The following LRP1B variants were observed in gnomAD, a reference collection of about 807,000 sequenced individuals.
LRP1B encodes LDL receptor related protein 1B.
A neutral mutation model predicts 556.6 loss-of-function variants in LRP1B; 217 were observed. The observed-to-expected ratio is 0.39, with a 90% CI of 0.35 to 0.44. The LOEUF (loss-of-function observed/expected upper bound fraction) is 0.44, where lower values mean the gene tolerates loss of function less well. Ranked by LOEUF, LRP1B falls within the 20% of genes least tolerant of loss-of-function variation. The pLI is 1.00. For synonymous variants in LRP1B, 2,047 were observed against 1,865.8 expected (o/e 1.10, Z -2.50); for missense variants, 5,053 against 5,620.8 (o/e 0.90, Z 3.23).
intron 7 of LRP1B, among the ~76,000 whole-genome samples, chr2:141,114,870 T>A (rs926917543): frequency 2.3e-5 from 3 of 128,502 alleles, no homozygotes; most frequent in African/African-American, 8.4e-5. Flanking sequence ...AAAACAGGCA[T>A]ACTAATGCAA....
At chr2:141,035,269 TGG>T (rs1698498793) in intron 11 of LRP1B, among the ~76,000 whole-genome samples, 2 of 151,974 alleles carry the variant, frequency 1.3e-5, no homozygotes, top group African/African-American at 4.8e-5. Flanking sequence ...GACGAGTTAA[TGG>T]GTGCAGCACA....
intron 2 of LRP1B, among the ~76,000 whole-genome samples, chr2:141,530,937 C>T (rs1684851076): frequency 6.7e-6 from 1 of 149,376 alleles, no homozygotes; most frequent in South Asian, 2.1e-4. Flanking sequence ...TAGTACCTTA[C>T]AGGTATCAAG....
At chr2:141,327,398 C>G (rs1402653363) in intron 3 of LRP1B, among the ~76,000 whole-genome samples, 2 of 151,890 alleles carry the variant, frequency 1.3e-5, no homozygotes, top group Non-Finnish European at 2.9e-5. Context: ...GGGGCACTGA[C>G]AAATAAACAG....
intron 60 of LRP1B, among the ~76,000 whole-genome samples, chr2:140,470,757 T>G (rs1404762628): frequency 6.6e-6 from 1 of 151,976 alleles, no homozygotes; most frequent in African/African-American, 2.4e-5. Context: ...CATGTCATAT[T>G]TTTCAACACC....
intron 2 of LRP1B, among the ~76,000 whole-genome samples, chr2:141,620,005 G>A (rs1688446293): frequency 6.6e-6 from 1 of 152,182 alleles, no homozygotes; most frequent in Non-Finnish European, 1.5e-5. Flanking sequence ...CCAGGCTGGA[G>A]AGCGTGGTGC....
At chr2:140,492,513 G>A in intron 57 of LRP1B, 95 bp downstream of exon 57, 2 of 744,210 alleles carry the variant, frequency 2.7e-6, no homozygotes, top group Non-Finnish European at 4.5e-6. Context: ...CTAAAAATAT[G>A]CTTCACAAAC....
intron 2 of LRP1B, among the ~76,000 whole-genome samples, chr2:141,695,991 GA>G (rs1021867517): frequency 2.0e-5 from 3 of 151,610 alleles, no homozygotes; most frequent in Non-Finnish European, 4.4e-5. Context: ...TCTACCTTGT[GA>G]AAAAAAATCT....
intron 3 of LRP1B, among the ~76,000 whole-genome samples, chr2:141,422,882 C>T (rs1327742387): frequency 6.6e-6 from 1 of 152,096 alleles, no homozygotes; most frequent in East Asian, 1.9e-4. Context: ...CCCCCAATTC[C>T]TCAACATCAA....
intron 3 of LRP1B, among the ~76,000 whole-genome samples, chr2:141,436,473 C>A (rs4494671): frequency 6.6e-6 from 1 of 151,924 alleles, no homozygotes; most frequent in Non-Finnish European, 1.5e-5. Flanking sequence ...CAGTAGGTTT[C>A]CTTGAATAAA....
At chr2:141,051,356 G>A (rs1329830301) in intron 10 of LRP1B, among the ~76,000 whole-genome samples, 1 of 151,906 alleles carries the variant, frequency 6.6e-6, no homozygotes, top group Non-Finnish European at 1.5e-5. Flanking sequence ...TATTTAAATA[G>A]CAAAGACCTG....
intron 41 of LRP1B, among the ~76,000 whole-genome samples, chr2:140,668,653 T>C (rs1685372929): frequency 6.6e-6 from 1 of 151,836 alleles, no homozygotes; most frequent in African/African-American, 2.4e-5. Context: ...TTTATTTATA[T>C]ATTCATCCAA....
chr2:140,850,627 C>T (rs1023153558), intron 28 of LRP1B, among the ~76,000 whole-genome samples: 6 of 152,118 alleles, frequency 3.9e-5, no homozygotes, highest in African/African-American at 7.2e-5. Context: ...ACATAAACTA[C>T]GAGTGTCGGA....
In LRP1B at chr2:141,238,571, T is replaced by A. The variant is rs1683743491; in HGVS notation, c.592+8655A>T. Among the ~76,000 whole-genome samples the A allele has an allele frequency of 2.0e-5, 3 of 152,084 alleles. 1 individual carries two copies. Among genetic ancestry groups the A allele is most frequent in the African/African-American group, 7.2e-5 (3 of 41,428 alleles). On this transcript the variant is annotated intron_variant, in intron 5 of 90. Coordinates refer to ENST00000389484, the MANE Select transcript of LRP1B (RefSeq NM_018557.3). Reference sequence around the variant, plus strand: ...CAGTGAACAAAACTAACAAAATCTTTGCTTTTATAGAACTTAAATTTTAGT... The same window carrying A: ...CAGTGAACAAAACTAACAAAATCTTAGCTTTTATAGAACTTAAATTTTAGT...
intron 7 of LRP1B, among the ~76,000 whole-genome samples, chr2:141,084,609 G>A (rs975408065): frequency 4.0e-5 from 6 of 150,510 alleles, no homozygotes; most frequent in Non-Finnish European, 7.4e-5. Context: ...TTATTTCATC[G>A]TTTATCATTT....
At chr2:141,307,169 T>G (rs1312082455) in intron 3 of LRP1B, among the ~76,000 whole-genome samples, 1 of 152,164 alleles carries the variant, frequency 6.6e-6, no homozygotes, top group Admixed American at 6.5e-5. Context: ...TTGGTTAATT[T>G]TAATCTAGAT....
intron 41 of LRP1B, among the ~76,000 whole-genome samples, chr2:140,642,657 C>T (rs528903860): frequency 2.6e-5 from 4 of 152,110 alleles, no homozygotes; most frequent in Non-Finnish European, 4.4e-5. Flanking sequence ...CTGGCTAACA[C>T]GGTGAAACCC....
rs1553507875 is a variant in LRP1B, at chr2:140,657,620, T to TACATATATACATAC, written c.6799+42629_6799+42630insGTATGTATATATGT. On this transcript the variant is annotated intron_variant, in intron 41 of 90. Transcript: ENST00000389484. ...ATATATATACATATATATACATACATATATACATACATATATATACATACA... is the reference window on the plus strand; with the variant it reads ...ATATATATACATATATATACATACATACATATATACATACATATACATACATATATATACATACA... 3.6e-5 allele frequency among the ~76,000 whole-genome samples: 5 copies of TACATATATACATAC among 137,718 alleles called. No individual in the cohort carries two copies. The South Asian group carries it at 1.1e-3, about 30-fold the overall frequency. The allele number at this position is 137,718 out of a possible 152,430, so 90.3% of individuals were successfully genotyped here.
At chr2:141,810,460 C>A in intron 1 of LRP1B, 59 bp from the exon 2 acceptor site, 1 of 1,556,734 alleles carries the variant, frequency 6.4e-7, no homozygotes, top group South Asian at 1.1e-5. Context: ...GCAGAACGAG[C>A]AGTACAAACA....
At chr2:140,599,099 C>A (rs1298536260) in intron 42 of LRP1B, among the ~76,000 whole-genome samples, 1 of 151,982 alleles carries the variant, frequency 6.6e-6, no homozygotes, top group Non-Finnish European at 1.5e-5. Flanking sequence ...TTTGGTTAAA[C>A]TGTTAGATGC....
Sources: gnomAD v4.1 joint callset for allele counts (sites outside exome capture counted in the v4.1 genomes callset) on GRCh38, gnomAD v4.1.1 for gene constraint, MANE v1.5 for transcripts, NCBI Gene and HGNC (gene_info 2026-07-23, HGNC 2026-07-21) for gene names.